Variants in ADAMTSL3 observed in about 807,000 individuals in gnomAD.
ADAMTSL3 encodes ADAMTS like 3, also known as ADAMTS-like protein 3.
In ADAMTSL3, 128 loss-of-function variants were observed where a neutral mutation model predicts 201.7. The observed-to-expected ratio is 0.63, with a 90% CI of 0.55 to 0.73. The LOEUF is 0.73. Among genes scored for constraint, ADAMTSL3 ranks in the 30% least tolerant of loss-of-function variants. The pLI is 0.00. For missense variants in ADAMTSL3, 1,990 were observed against 2,119.6 expected, an observed-to-expected ratio of 0.94 and a Z score of 1.20; for synonymous variants, 738 against 748.4, an observed-to-expected ratio of 0.99 and a Z score of 0.23.
intron 16 of ADAMTSL3, among the ~76,000 whole-genome samples, chr15:83,918,584 A>G (rs1213823871): frequency 1.3e-5 from 2 of 152,188 alleles, no homozygotes; most frequent in African/African-American, 4.8e-5. Context: ...AGAAGGGTGC[A>G]TGGTACATTC....
intron 9 of ADAMTSL3, among the ~76,000 whole-genome samples, chr15:83,881,335 T>G (rs925568922): frequency 4.6e-5 from 7 of 152,236 alleles, no homozygotes; most frequent in African/African-American, 1.7e-4. Context: ...TTGGAAGGCC[T>G]TGAGCTCTAG....
chr15:83,674,746 CATATATACACACATATATACATATATAT>C (rs2061375210), intron 2 of ADAMTSL3, among the ~76,000 whole-genome samples: 6 of 101,844 alleles, frequency 5.9e-5, no homozygotes, highest in Non-Finnish European at 6.2e-5. Flanking sequence ...CACATATATA[CATATATACACACATATATACATATATAT>C]ATATATATAT....
intron 3 of ADAMTSL3, among the ~76,000 whole-genome samples, chr15:83,714,788 T>A (rs1222787261): frequency 1.0e-5 from 1 of 97,694 alleles, no homozygotes; most frequent in Non-Finnish European, 2.2e-5. Context: ...TCTTTCTTTT[T>A]CTTTCTCTCT....
chr15:83,692,154 T>C (rs1267269543), intron 2 of ADAMTSL3, among the ~76,000 whole-genome samples: 1 of 152,124 alleles, frequency 6.6e-6, no homozygotes, highest in Non-Finnish European at 1.5e-5. Context: ...AGTTTTTTTT[T>C]TCCTGCTGAT....
chr15:83,683,127 T>C (rs2141430006), intron 2 of ADAMTSL3, among the ~76,000 whole-genome samples: 1 of 152,294 alleles, frequency 6.6e-6, no homozygotes, highest in Admixed American at 6.5e-5. Context: ...GAAACCAGCA[T>C]TAGTGGGGAG....
intron 27 of ADAMTSL3, 43 bp from the exon 28 acceptor site, chr15:84,031,292 T>C (rs779457076): frequency 6.3e-7 from 1 of 1,585,280 alleles, no homozygotes; most frequent in East Asian, 2.2e-5. Context: ...ACAGCATGGA[T>C]GAGCTTGCAG....
At chr15:83,988,062 C>T (rs1262634246) in intron 21 of ADAMTSL3, among the ~76,000 whole-genome samples, 2 of 152,148 alleles carry the variant, frequency 1.3e-5, no homozygotes, top group Non-Finnish European at 2.9e-5. Context: ...ATTCTCAAAG[C>T]GGTATTTACA....
chr15:83,924,824 C>A (rs767630654), intron 17 of ADAMTSL3, among the ~76,000 whole-genome samples: 1 of 152,058 alleles, frequency 6.6e-6, no homozygotes, highest in East Asian at 1.9e-4. Flanking sequence ...CCCTCTTCTG[C>A]GAGAAGAATT....
At chr15:83,905,621 A>C (rs906385059) in intron 15 of ADAMTSL3, among the ~76,000 whole-genome samples, 1 of 152,230 alleles carries the variant, frequency 6.6e-6, no homozygotes, top group Non-Finnish European at 1.5e-5. Context: ...AAGTGACATA[A>C]TCTCAATTAC....
chr15:83,915,588 G>C (rs1241082619), intron 16 of ADAMTSL3, among the ~76,000 whole-genome samples: 1 of 151,834 alleles, frequency 6.6e-6, no homozygotes, highest in Non-Finnish European at 1.5e-5. Flanking sequence ...GTGGTTTCTA[G>C]TTACAAAGTT....
In ADAMTSL3 at chr15:83,967,753, G is replaced by A. The variant is rs565426627; in HGVS notation, c.2491-2731G>A. Among the ~76,000 whole-genome samples, 345 of 152,246 alleles carry A rather than the reference G, an allele frequency of 2.3e-3. 1 individual carries two copies. The highest frequency in any genetic ancestry group is 7.9e-3 in the African/African-American group (328 of 41,544). On this transcript the variant is annotated intron_variant, in intron 19 of 29. Transcript: ENST00000286744. ...AATCCTAAGCAAAAAGAACAAAGCT[G>A]GAGGCATCATGCTACCTGACTTCAA...
intron 27 of ADAMTSL3, 54 bp downstream of exon 27, chr15:84,025,490 G>A (rs1333975196): frequency 6.5e-6 from 10 of 1,532,698 alleles, no homozygotes; most frequent in East Asian, 4.6e-5. Context: ...CACAGATAGT[G>A]TGATAATAAT....
intron 22 of ADAMTSL3, among the ~76,000 whole-genome samples, chr15:83,990,436 G>T (rs532176829): frequency 1.6e-4 from 25 of 152,320 alleles, no homozygotes; most frequent in African/African-American, 5.5e-4. Context: ...ATCGAAAGAG[G>T]AGATACTTCT....
rs2068282034 is a variant in ADAMTSL3, at chr15:84,025,280, T to C, written c.4500T>C (p.Gly1500=). Residue 1500 remains glycine, a synonymous_variant, in exon 27 of 30, where the codon GGT becomes GGC. Coordinates refer to ENST00000286744, the MANE Select transcript of ADAMTSL3 (RefSeq NM_207517.3). ...SVWSQCSVSC[G]EGYHSRQVTC... is the part of the protein sequence containing the mutation. ...GGTCACAGTGCTCTGTGTCTTGCGG[T>C]GAAGGATACCACAGTCGGCAGGTGA... The C allele has an allele frequency of 6.2e-7, 1 of 1,613,440 alleles. No homozygotes were observed. The highest frequency in any genetic ancestry group is 2.2e-5 in the East Asian group (1 of 44,886).
chr15:83,769,963 G>A (rs1002188751), intron 3 of ADAMTSL3, among the ~76,000 whole-genome samples: 1 of 151,746 alleles, frequency 6.6e-6, no homozygotes, highest in Non-Finnish European at 1.5e-5. Flanking sequence ...GAACTTTTCT[G>A]TACACCAAGA....
intron 16 of ADAMTSL3, among the ~76,000 whole-genome samples, chr15:83,922,442 A>T (rs1438238885): frequency 6.6e-6 from 1 of 152,220 alleles, no homozygotes; most frequent in Non-Finnish European, 1.5e-5. Flanking sequence ...AATTTCTGTT[A>T]TAAATTAAAA....
intron 17 of ADAMTSL3, among the ~76,000 whole-genome samples, 153 bp from the exon 18 acceptor site, chr15:83,942,443 T>C (rs1445149390): frequency 2.0e-5 from 3 of 152,246 alleles, no homozygotes; most frequent in African/African-American, 7.2e-5. Flanking sequence ...GTGTTTTAAT[T>C]GCGTATATTG....
At chr15:83,820,599 T>C (rs969772949) in intron 6 of ADAMTSL3, among the ~76,000 whole-genome samples, 1 of 152,240 alleles carries the variant, frequency 6.6e-6, no homozygotes, top group Admixed American at 6.5e-5. Flanking sequence ...CTAGAGAGTC[T>C]CTTATTAAAT....
chr15:84,026,342 G>T (rs927338093), intron 27 of ADAMTSL3, among the ~76,000 whole-genome samples: 1 of 152,128 alleles, frequency 6.6e-6, no homozygotes, highest in Non-Finnish European at 1.5e-5. Flanking sequence ...ATGGAAAGCT[G>T]TAAGACTTAT....
Sources: allele counts gnomAD v4.1 joint callset (sites outside exome capture counted in the v4.1 genomes callset), GRCh38; gene constraint gnomAD v4.1.1; transcripts MANE v1.5; gene names NCBI Gene and HGNC (gene_info 2026-07-23, HGNC 2026-07-21).